Variants in ZNF609 observed in about 807,000 individuals in gnomAD.
ZNF609 encodes zinc finger protein 609.
Under a neutral mutation model 109.5 loss-of-function variants are expected in ZNF609, and 11 were observed. The ratio of observed to expected loss-of-function variants is 0.10; its 90% CI spans 0.06 to 0.17. ZNF609 has a LOEUF of 0.17. ZNF609 is among the 10% of genes least tolerant of loss of function. The probability of loss-of-function intolerance (pLI) is 1.00; values close to 1 mark genes in which losing one functional copy is unlikely to be tolerated. For missense variants in ZNF609, 1,559 were observed against 1,772.4 expected, an observed-to-expected ratio of 0.88 and a Z score of 2.16; for synonymous variants, 646 against 662.0, an observed-to-expected ratio of 0.98 and a Z score of 0.37.
Position 64,500,151 on chromosome 15 carries a change from A to G in ZNF609, c.732A>G (p.Lys244=), listed in dbSNP as rs1893541258. The part of the protein sequence containing the change: ...EGENECRLLK[K]VKSEKMESPV... The stretch of plus-strand genomic sequence containing the variant: ...AGAATGAGTGTCGCCTGCTAAAGAA[A>G]GTCAAGTCTGAAAAGGTAAGAGGTG... The change falls in exon 2 of 10, where the codon AAA becomes AAG. Residue 244 remains lysine (K), a synonymous_variant. Coordinates refer to ENST00000326648, the MANE Select transcript of ZNF609 (RefSeq NM_015042.2). 2 of 1,613,418 alleles carry G rather than the reference A, an allele frequency of 1.2e-6. No homozygotes were observed. Among genetic ancestry groups the G allele is most frequent in the Admixed American group, 1.7e-5 (1 of 59,980 alleles).
chr15:64,543,255 C>CTTTTT (rs77646116), intron 2 of ZNF609, among the ~76,000 whole-genome samples: 1 of 113,314 alleles, frequency 8.8e-6, no homozygotes, highest in Non-Finnish European at 1.8e-5. Context: ...TTTGTTGTTG[C>CTTTTT]TTTTTTTTTT....
At chr15:64,476,796 G>A (rs2140334101) in intron 1 of ZNF609, among the ~76,000 whole-genome samples, 2 of 152,276 alleles carry the variant, frequency 1.3e-5, no homozygotes, top group South Asian at 4.1e-4. Context: ...TTGGTTGCCT[G>A]GAGTGATGGG....
chr15:64,467,286 A>G (rs1219379353), intron 1 of ZNF609, among the ~76,000 whole-genome samples: 3 of 151,892 alleles, frequency 2.0e-5, no homozygotes, highest in Admixed American at 2.0e-4. Context: ...TGTCTGGCCA[A>G]CTTCTTTGGG....
chr15:64,590,356 C>G (rs1895272238), intron 2 of ZNF609, among the ~76,000 whole-genome samples: 1 of 152,078 alleles, frequency 6.6e-6, no homozygotes, highest in South Asian at 2.1e-4. Context: ...GGTTCTTGCT[C>G]TGTTACCCAG....
In ZNF609 at chr15:64,675,013, C is replaced by T. The variant is rs1404876283; in HGVS notation, c.2159C>T (p.Ala720Val). 1 of 1,613,880 alleles carries T rather than the reference C, an allele frequency of 6.2e-7. No homozygotes were observed. The highest frequency in any genetic ancestry group is 2.2e-5 in the East Asian group (1 of 44,900). The change falls in exon 5 of 10, where the codon GCC becomes GTC. Residue 720 changes from alanine (A) to valine (V), a missense_variant. This residue lies in a region of ZNF609 where 1,204 missense variants were observed against 1,314.1 expected (regional missense o/e 0.92). Coordinates refer to ENST00000326648, the MANE Select transcript of ZNF609 (RefSeq NM_015042.2). ...VMGEPFTVNP[A>V]LTPAKDKKKK... ...GGAGAACCTTTCACAGTCAACCCTG[C>T]CTTGACTCCAGCCAAGGACAAGAAA... is the stretch of plus-strand genomic sequence containing the variant.
At chr15:64,505,585 G>T (rs993133720) in intron 2 of ZNF609, among the ~76,000 whole-genome samples, 5 of 152,156 alleles carry the variant, frequency 3.3e-5, no homozygotes, top group Admixed American at 2.0e-4. Context: ...ACCGTCTACA[G>T]CAGAGTTCCT....
At chr15:64,598,758 A>C (rs1315817731) in intron 2 of ZNF609, among the ~76,000 whole-genome samples, 1 of 122,840 alleles carries the variant, frequency 8.1e-6, no homozygotes, top group Non-Finnish European at 1.8e-5. Flanking sequence ...ATATATATAT[A>C]TATATATATA....
intron 2 of ZNF609, among the ~76,000 whole-genome samples, chr15:64,600,191 C>T (rs1231345402): frequency 6.6e-6 from 1 of 152,154 alleles, no homozygotes; most frequent in Non-Finnish European, 1.5e-5. Context: ...TGGCTCACGC[C>T]TATAATCCCA....
At chr15:64,551,165 C>T (rs762245534) in intron 2 of ZNF609, among the ~76,000 whole-genome samples, 49 of 152,008 alleles carry the variant, frequency 3.2e-4, no homozygotes, top group Non-Finnish European at 5.1e-4. Flanking sequence ...AAGCAGTACT[C>T]CCACCTCGGA....
At chr15:64,680,884 C>T (rs774356291) in intron 8 of ZNF609, 22 bp downstream of exon 8, 2 of 1,603,862 alleles carry the variant, frequency 1.2e-6, no homozygotes, top group South Asian at 1.1e-5. Flanking sequence ...TTCCCTACCA[C>T]CTGTTGTTTT....
intron 3 of ZNF609, among the ~76,000 whole-genome samples, chr15:64,644,981 T>TTTTCTTTCTTTCTTTCTTTCTTTC (rs147608283): frequency 3.1e-4 from 43 of 139,656 alleles, no homozygotes; most frequent in South Asian, 8.8e-4. Flanking sequence ...CTTTCTTTCT[T>TTTTCTTTCTTTCTTTCTTTCTTTC]TTTCTTTCTT....
intron 2 of ZNF609, among the ~76,000 whole-genome samples, chr15:64,508,955 A>G (rs537106600): frequency 6.6e-6 from 1 of 152,026 alleles, no homozygotes; most frequent in Non-Finnish European, 1.5e-5. Flanking sequence ...TGGCCTCCCA[A>G]AGTGTTGGGA....
At chr15:64,483,914 A>T (rs1268238952) in intron 1 of ZNF609, among the ~76,000 whole-genome samples, 3 of 152,142 alleles carry the variant, frequency 2.0e-5, no homozygotes, top group African/African-American at 7.2e-5. Context: ...ACATCTAGGG[A>T]GAGTAAATAG....
At chr15:64,612,882 G>A (rs927573977) in intron 2 of ZNF609, among the ~76,000 whole-genome samples, 1 of 152,044 alleles carries the variant, frequency 6.6e-6, no homozygotes, top group Non-Finnish European at 1.5e-5. Flanking sequence ...AGGTGTGGTG[G>A]CATGCGTCTG....
intron 2 of ZNF609, among the ~76,000 whole-genome samples, chr15:64,530,837 A>C (rs1054290363): frequency 1.3e-5 from 2 of 152,200 alleles, no homozygotes; most frequent in African/African-American, 4.8e-5. Context: ...GAGAAGTAAT[A>C]CTTTGAGCTA....
At chr15:64,494,891 C>T (rs1893461123) in intron 1 of ZNF609, among the ~76,000 whole-genome samples, 2 of 152,154 alleles carry the variant, frequency 1.3e-5, no homozygotes, top group Admixed American at 6.5e-5. Context: ...CAAAGAATCC[C>T]AGTTTCTAAG....
intron 4 of ZNF609, among the ~76,000 whole-genome samples, chr15:64,672,962 C>CAAAA (rs554300308): frequency 2.0e-5 from 2 of 98,672 alleles, no homozygotes; most frequent in African/African-American, 7.0e-5. Context: ...GACTCCATCT[C>CAAAA]AAAAAAAAAA....
intron 2 of ZNF609, among the ~76,000 whole-genome samples, chr15:64,607,004 C>T (rs932405588): frequency 6.6e-6 from 1 of 151,968 alleles, no homozygotes; most frequent in Non-Finnish European, 1.5e-5. Context: ...ATTAGCCAGG[C>T]GTGGTGGCAC....
At chr15:64,677,150 A>G (rs977702291) in intron 5 of ZNF609, among the ~76,000 whole-genome samples, 3 of 151,114 alleles carry the variant, frequency 2.0e-5, no homozygotes, top group Non-Finnish European at 3.0e-5. Flanking sequence ...TGCAATTTCC[A>G]ACTCCTAGGC....
Sources: gnomAD v4.1 joint callset for allele counts (sites outside exome capture counted in the v4.1 genomes callset) on GRCh38, gnomAD v4.1.1 for gene constraint, gnomAD v4.1.1 regional missense constraint, MANE v1.5 for transcripts, NCBI Gene and HGNC (gene_info 2026-07-23, HGNC 2026-07-21) for gene names.